The following EYS variants were observed in gnomAD, a reference collection of about 807,000 sequenced individuals.
EYS encodes the protein protein eyes shut homolog.
Under a neutral mutation model 282.1 loss-of-function variants are expected in EYS, and 250 were observed. The ratio of observed to expected loss-of-function variants is 0.89; its 90% confidence interval spans 0.80 to 0.98. The LOEUF (loss-of-function observed/expected upper bound fraction) is 0.98. Among genes scored for constraint, EYS ranks in the 50% least tolerant of loss-of-function variants. EYS has a pLI of 0.00. For missense variants in EYS, 4,016 were observed against 3,709.0 expected, an observed-to-expected ratio of 1.08 and a Z score of -2.15; for synonymous variants, 1,355 against 1,282.9, an observed-to-expected ratio of 1.06 and a Z score of -1.20.
chr6:65,340,152 T>C (rs1009358880), intron 10 of EYS, among the ~76,000 whole-genome samples: 3 of 151,130 alleles, frequency 2.0e-5, no homozygotes, highest in African/African-American at 7.3e-5. Context: ...GGTAAAAACC[T>C]TTCACATCCC....
intron 18 of EYS, among the ~76,000 whole-genome samples, chr6:64,888,515 A>G (rs1357025980): frequency 6.6e-6 from 1 of 152,026 alleles, no homozygotes; most frequent in Non-Finnish European, 1.5e-5. Context: ...GAATCTTTGT[A>G]TCAGTTGGAC....
intron 5 of EYS, among the ~76,000 whole-genome samples, chr6:65,466,023 TC>T (rs1764987171): frequency 6.6e-6 from 1 of 151,858 alleles, no homozygotes; most frequent in Non-Finnish European, 1.5e-5. Flanking sequence ...GAAAGAAAAT[TC>T]TACAATTTTG....
chr6:63,945,372 C>A (rs1003761038), intron 35 of EYS, among the ~76,000 whole-genome samples: 1 of 152,084 alleles, frequency 6.6e-6, no homozygotes, highest in East Asian at 1.9e-4. Context: ...TACCTCCCGC[C>A]GGTCCCCTCC....
At chr6:65,672,655 T>A (rs1768430500) in intron 1 of EYS, among the ~76,000 whole-genome samples, 1 of 151,988 alleles carries the variant, frequency 6.6e-6, no homozygotes, top group African/African-American at 2.4e-5. Context: ...CCTAAAGAAA[T>A]GGAGATATAT....
chr6:65,607,840 T>C (rs1042341642), intron 2 of EYS, among the ~76,000 whole-genome samples: 7 of 151,928 alleles, frequency 4.6e-5, no homozygotes, highest in Non-Finnish European at 7.4e-5. Flanking sequence ...GAAAATACAA[T>C]TGTTAGAAAA....
intron 2 of EYS, among the ~76,000 whole-genome samples, chr6:65,638,781 T>A (rs923176056): frequency 2.0e-5 from 3 of 152,176 alleles, no homozygotes; most frequent in African/African-American, 7.2e-5. Flanking sequence ...CGGCGTGGGA[T>A]CCTAGCCGGT....
At chr6:64,646,192 T>C (rs113933410) in intron 22 of EYS, among the ~76,000 whole-genome samples, 22 of 152,348 alleles carry the variant, frequency 1.4e-4, no homozygotes, top group Middle Eastern at 3.4e-3. Context: ...GCATCACGTC[T>C]GCCCTGTTAC....
intron 2 of EYS, among the ~76,000 whole-genome samples, chr6:65,583,130 T>C (rs1764924606): frequency 6.6e-6 from 1 of 152,018 alleles, no homozygotes; most frequent in South Asian, 2.1e-4. Flanking sequence ...AACTCAAAGG[T>C]ACTGTTCTAA....
At chr6:65,619,355 G>T (rs531538816) in intron 2 of EYS, among the ~76,000 whole-genome samples, 1 of 151,960 alleles carries the variant, frequency 6.6e-6, no homozygotes, top group Non-Finnish European at 1.5e-5. Flanking sequence ...CTCTCTGTTT[G>T]TCTGTTATTG....
chr6:65,666,370 C>T (rs935656057), intron 1 of EYS, among the ~76,000 whole-genome samples: 1 of 151,836 alleles, frequency 6.6e-6, no homozygotes, highest in African/African-American at 2.4e-5. Flanking sequence ...TATTGGCTCC[C>T]ATCTCCATTT....
chr6:65,504,318 C>A lies in EYS; in HGVS notation c.-332-8325G>T, dbSNP rs529484186. ...AATTTTATCCTGGACCCATGCTATACTGACTTATTTAAGGCATTTTTTAAT... is the reference window on the plus strand; with the variant it reads ...AATTTTATCCTGGACCCATGCTATAATGACTTATTTAAGGCATTTTTTAAT... On this transcript the variant is annotated intron_variant, in intron 2 of 42. Coordinates refer to ENST00000503581, the MANE Select transcript of EYS (RefSeq NM_001142800.2). Among the ~76,000 whole-genome samples the A allele has an allele frequency of 5.3e-5, 8 of 151,742 alleles. No homozygotes were observed. The South Asian group carries it at 1.7e-3, about 31-fold the overall frequency.
chr6:64,363,250 A>G (rs978427950), intron 29 of EYS, among the ~76,000 whole-genome samples: 17 of 151,926 alleles, frequency 1.1e-4, no homozygotes, highest in Admixed American at 4.6e-4. Flanking sequence ...CTTTTGTAAG[A>G]TATACATTTT....
chr6:63,741,877 G>A (rs928178813), intron 41 of EYS: 13 of 701,168 alleles, frequency 1.9e-5, no homozygotes, highest in African/African-American at 5.2e-5. Context: ...CAGGGTAGTC[G>A]TATGTTTTTG....
At chr6:64,771,715 A>G (rs970663449) in intron 22 of EYS, among the ~76,000 whole-genome samples, 5 of 151,760 alleles carry the variant, frequency 3.3e-5, no homozygotes, top group African/African-American at 4.8e-5. Context: ...TGTTCAATAA[A>G]TATGGTCTAA....
chr6:65,002,129 C>T (rs1771485960), intron 13 of EYS, among the ~76,000 whole-genome samples: 1 of 146,566 alleles, frequency 6.8e-6, no homozygotes, highest in Non-Finnish European at 1.5e-5. Flanking sequence ...AGTAGGGCTG[C>T]CTACATATTT....
At chr6:65,219,999 G>C (rs1766419221) in intron 12 of EYS, among the ~76,000 whole-genome samples, 1 of 152,098 alleles carries the variant, frequency 6.6e-6, no homozygotes, top group Non-Finnish European at 1.5e-5. Context: ...TGAGATTTGA[G>C]GGGGAGGCAT....
chr6:64,073,896 A>T (rs1771676777), intron 32 of EYS, among the ~76,000 whole-genome samples: 1 of 151,740 alleles, frequency 6.6e-6, no homozygotes, highest in Admixed American at 6.6e-5. Flanking sequence ...AAGCTCTAGA[A>T]GAGTTTACCA....
At chr6:63,904,288 T>C (rs898804680) in intron 35 of EYS, among the ~76,000 whole-genome samples, 1 of 152,174 alleles carries the variant, frequency 6.6e-6, no homozygotes, top group Non-Finnish European at 1.5e-5. Context: ...TACATTTATT[T>C]CTCATATTCA....
At chr6:64,090,970 C>T (rs1039743048) in intron 31 of EYS, among the ~76,000 whole-genome samples, 10 of 152,240 alleles carry the variant, frequency 6.6e-5, no homozygotes, top group African/African-American at 2.4e-4. Context: ...AAAGAGTCTT[C>T]CCTGGTCCTT....
Sources: allele counts gnomAD v4.1 joint callset (sites outside exome capture counted in the v4.1 genomes callset), GRCh38; gene constraint gnomAD v4.1.1; transcripts MANE v1.5; gene names NCBI Gene and HGNC (gene_info 2026-07-23, HGNC 2026-07-21).